Variants in ORC5 observed in about 807,000 individuals in gnomAD.
The protein encoded by ORC5 is origin recognition complex subunit 5.
Under a neutral mutation model 58.8 loss-of-function variants are expected in ORC5, and 39 were observed. The observed-to-expected ratio is 0.66, with a 90% CI of 0.51 to 0.87. The LOEUF is 0.87. Ranked by LOEUF, ORC5 falls within the 40% of genes least tolerant of loss-of-function variation. The probability of loss-of-function intolerance (pLI) is 0.00; values close to 1 mark genes in which losing one functional copy is unlikely to be tolerated. For synonymous variants in ORC5, 218 were observed against 177.6 expected, an observed-to-expected ratio of 1.23 and a Z score of -1.81; for missense variants, 493 against 506.3, an observed-to-expected ratio of 0.97 and a Z score of 0.25.
At chr7:104,156,002 A>G (rs1435536526) in intron 12 of ORC5, among the ~76,000 whole-genome samples, 2 of 151,758 alleles carry the variant, frequency 1.3e-5, no homozygotes, top group Admixed American at 6.6e-5. Context: ...TGATCAAATT[A>G]AAAATTTAGA....
At chr7:104,184,995 C>T (rs1270037600) in intron 6 of ORC5, among the ~76,000 whole-genome samples, 2 of 152,034 alleles carry the variant, frequency 1.3e-5, no homozygotes. Context: ...TTTCTGTAAC[C>T]TCAGGATGTC....
At chr7:104,135,822 T>C (rs566085169) in intron 13 of ORC5, among the ~76,000 whole-genome samples, 3 of 152,284 alleles carry the variant, frequency 2.0e-5, no homozygotes, top group South Asian at 4.1e-4. Context: ...AATACTTTCA[T>C]GACTAATTTT....
chr7:104,143,715 T>TGAC (rs1798710580), intron 12 of ORC5, among the ~76,000 whole-genome samples: 1 of 152,226 alleles, frequency 6.6e-6, no homozygotes, highest in African/African-American at 2.4e-5. Flanking sequence ...AGTCATTTGT[T>TGAC]GACTTTATCA....
chr7:104,163,632 G>A lies in ORC5; in HGVS notation c.1038+1603C>T, dbSNP rs142190497. Among the ~76,000 whole-genome samples, 394 of 152,120 alleles carry A rather than the reference G, an allele frequency of 2.6e-3. 3 individuals carry two copies. The highest frequency in any genetic ancestry group is 9.2e-3 in the African/African-American group (381 of 41,498). On this transcript the variant is annotated intron_variant, in intron 11 of 13. Coordinates refer to ENST00000297431, the MANE Select transcript of ORC5 (RefSeq NM_002553.4). ...CTCCCAGGCAGCTGGGACTACAGGC[G>A]CCCACCATCATGCCCGGCTAATTTT...
At chr7:104,177,895 A>C (rs1410144415) in intron 8 of ORC5, among the ~76,000 whole-genome samples, 1 of 152,226 alleles carries the variant, frequency 6.6e-6, no homozygotes, top group African/African-American at 2.4e-5. Flanking sequence ...TGCAAAGGAC[A>C]TGAACTCATC....
chr7:104,194,718 T>G (rs1199527108), intron 5 of ORC5, among the ~76,000 whole-genome samples: 1 of 152,164 alleles, frequency 6.6e-6, no homozygotes, highest in Non-Finnish European at 1.5e-5. Context: ...AAGTCTAGTC[T>G]GATTATTCGT....
chr7:104,196,449 A>G (rs1315149305), intron 4 of ORC5, among the ~76,000 whole-genome samples: 2 of 152,234 alleles, frequency 1.3e-5, no homozygotes, highest in Non-Finnish European at 2.9e-5. Flanking sequence ...AAGAAAAGCA[A>G]GACTGTGTGA....
rs1798592647 is a variant in ORC5 at position 104,136,666 on chromosome 7, T to C, written c.1262+115A>G. The stretch of plus-strand genomic sequence containing the variant: ...ATTCTATCGTACAGCTTATTCATTC[T>C]TGGCACTTAAATAGATGATTTTTTC... On this transcript the variant is annotated intron_variant, in intron 13 of 13. Coordinates refer to ENST00000297431, the MANE Select transcript of ORC5 (RefSeq NM_002553.4). The surrounding 1 kb of genome is among the most constrained non-coding windows in gnomAD (Gnocchi z 4.2). The C allele has an allele frequency of 1.5e-6, 1 of 655,620 alleles. No homozygotes were observed. The highest frequency in any genetic ancestry group is 2.7e-5 in the East Asian group (1 of 36,586). The allele number at this position is 655,620 out of a possible 1,614,324, so 40.6% of individuals were successfully genotyped here.
chr7:104,186,814 T>C (rs1799553615), intron 6 of ORC5, among the ~76,000 whole-genome samples: 1 of 152,180 alleles, frequency 6.6e-6, no homozygotes, highest in South Asian at 2.1e-4. Flanking sequence ...TAAGGATCCT[T>C]TTCTCTATTA....
At chr7:104,180,686 G>A (rs1799414785) in intron 8 of ORC5, among the ~76,000 whole-genome samples, 1 of 152,118 alleles carries the variant, frequency 6.6e-6, no homozygotes, top group Non-Finnish European at 1.5e-5. Flanking sequence ...AATTTATTTT[G>A]TAAATTGTGT....
At chr7:104,207,118 C>T (rs1800107651) in intron 1 of ORC5, among the ~76,000 whole-genome samples, 1 of 152,156 alleles carries the variant, frequency 6.6e-6, no homozygotes, top group Non-Finnish European at 1.5e-5. Flanking sequence ...AGGTAAGATC[C>T]AAGTTTGATT....
At chr7:104,195,394 T>A in intron 4 of ORC5, 140 bp from the exon 5 acceptor site, 1 of 523,402 alleles carries the variant, frequency 1.9e-6, no homozygotes, top group Non-Finnish European at 3.3e-6. Flanking sequence ...ATAAACCATA[T>A]TTAGAAAACC....
intron 9 of ORC5, 43 bp downstream of exon 9, chr7:104,168,430 G>A (rs374421031): frequency 2.5e-6 from 4 of 1,597,404 alleles, no homozygotes; most frequent in Non-Finnish European, 2.6e-6. Context: ...ATAATTAGCT[G>A]AAGAAGTATC....
intron 12 of ORC5, among the ~76,000 whole-genome samples, 198 bp downstream of exon 12, chr7:104,160,874 G>A (rs779928976): frequency 6.6e-6 from 1 of 152,060 alleles, no homozygotes. Context: ...GGTTATACTT[G>A]TAAACATATG....
intron 5 of ORC5, among the ~76,000 whole-genome samples, chr7:104,192,661 A>G (rs1799701405): frequency 6.6e-6 from 1 of 152,164 alleles, no homozygotes; most frequent in Admixed American, 6.6e-5. Flanking sequence ...ATGAAAAAGC[A>G]TAATGGATAC....
At chr7:104,126,987 C>T (rs1798439040) in intron 13 of ORC5, 94 bp from the exon 14 acceptor site, 1 of 817,174 alleles carries the variant, frequency 1.2e-6, no homozygotes. Flanking sequence ...TAATTCATGA[C>T]TAATGCTAAA....
intron 12 of ORC5, among the ~76,000 whole-genome samples, chr7:104,154,443 TA>T (rs1325450017): frequency 8.6e-5 from 13 of 152,036 alleles, no homozygotes; most frequent in Admixed American, 3.9e-4. Context: ...TCACTTTAAG[TA>T]TTTAAGTATT....
rs142125338 is a variant in ORC5, at chr7:104,160,447, A to G, written c.1149+625T>C. On this transcript the variant is annotated intron_variant, in intron 12 of 13. Transcript: ENST00000297431. ...GCTTTTTCTTCTATCCACTTGTACC[A>G]TGTGCTAAGCATTGTTTTTCTGGAC... Among the ~76,000 whole-genome samples the G allele has an allele frequency of 3.3e-3, 502 of 152,276 alleles. 3 individuals carry two copies. The highest frequency in any genetic ancestry group is 0.012 in the African/African-American group (488 of 41,572).
chr7:104,156,522 G>C (rs1360874603), intron 12 of ORC5, among the ~76,000 whole-genome samples: 2 of 151,572 alleles, frequency 1.3e-5, no homozygotes, highest in Non-Finnish European at 3.0e-5. Context: ...TTATAGAATA[G>C]ATTAGATTTG....
Sources: allele counts gnomAD v4.1 joint callset (sites outside exome capture counted in the v4.1 genomes callset), GRCh38; gene constraint gnomAD v4.1.1; non-coding constraint Gnocchi (gnomAD v3.1); transcripts MANE v1.5; gene names NCBI Gene and HGNC (gene_info 2026-07-23, HGNC 2026-07-21).